The following ATP9B variants were observed in gnomAD, a reference collection of about 807,000 sequenced individuals.
ATP9B encodes the protein probable phospholipid-transporting ATPase IIB.
ATP9B carries 110 observed loss-of-function variants against 146.1 expected under a neutral mutation model. The observed-to-expected ratio is 0.75, with a 90% confidence interval of 0.65 to 0.88. The LOEUF is 0.88. Among genes scored for constraint, ATP9B ranks in the 40% least tolerant of loss-of-function variants. ATP9B has a pLI of 0.00. For synonymous variants in ATP9B, 604 were observed against 569.7 expected, an observed-to-expected ratio of 1.06 and a Z score of -0.86; for missense variants, 1,499 against 1,496.4, an observed-to-expected ratio of 1.00 and a Z score of -0.03.
intron 29 of ATP9B, chr18:79,376,074 C>T: frequency 1.0e-6 from 1 of 984,988 alleles, no homozygotes; most frequent in Non-Finnish European, 1.2e-6. Flanking sequence ...GGCTCAGAGC[C>T]TCTAAGAGCA....
chr18:79,226,733 A>G (rs9964748), intron 11 of ATP9B, among the ~76,000 whole-genome samples: 57,257 of 152,120 alleles, frequency 0.38, 11,705 homozygotes, highest in African/African-American at 0.54. Context: ...TGAAAATAAC[A>G]CACAGTTTGT....
intron 15 of ATP9B, among the ~76,000 whole-genome samples, chr18:79,328,120 C>T (rs546391774): frequency 4.0e-5 from 6 of 148,726 alleles, no homozygotes; most frequent in Non-Finnish European, 8.9e-5. Flanking sequence ...GGTTAGCGTG[C>T]TCTCCGTGGA....
At chr18:79,108,377 C>G (rs1346052305) in intron 2 of ATP9B, among the ~76,000 whole-genome samples, 1 of 152,120 alleles carries the variant, frequency 6.6e-6, no homozygotes, top group Admixed American at 6.6e-5. Flanking sequence ...TGACCATTTC[C>G]TTTCCTACCC....
intron 25 of ATP9B, chr18:79,354,439 C>T (rs1335016834): frequency 6.6e-6 from 1 of 152,026 alleles, no homozygotes; most frequent in African/African-American, 2.4e-5. Context: ...CATGGTGGTA[C>T]ACACCCGCGG....
chr18:79,083,068 C>T (rs2073432980), intron 1 of ATP9B, among the ~76,000 whole-genome samples: 1 of 152,230 alleles, frequency 6.6e-6, no homozygotes, highest in Non-Finnish European at 1.5e-5. Context: ...AAGCCCCTGA[C>T]TGGGGCAGCT....
chr18:79,092,640 CTTTT>C (rs145337759), intron 1 of ATP9B, among the ~76,000 whole-genome samples: 3 of 118,276 alleles, frequency 2.5e-5, no homozygotes, highest in Non-Finnish European at 3.5e-5. Flanking sequence ...TTTACTTAAA[CTTTT>C]TTTTTTTTTT....
At chr18:79,358,873 A>C in intron 25 of ATP9B, among the ~76,000 whole-genome samples, 1 of 118,670 alleles carries the variant, frequency 8.4e-6, no homozygotes, top group African/African-American at 3.4e-5. Flanking sequence ...CTGGGTCTGG[A>C]GGTGTCTGTG....
At chr18:79,183,345 TCTA>T (rs954611235) in intron 8 of ATP9B, among the ~76,000 whole-genome samples, 3 of 152,334 alleles carry the variant, frequency 2.0e-5, no homozygotes, top group Admixed American at 2.0e-4. Context: ...ATGCAACTTA[TCTA>T]CTGTGTATTA....
intron 6 of ATP9B, among the ~76,000 whole-genome samples, chr18:79,150,561 C>G (rs2094672631): frequency 6.6e-6 from 1 of 152,002 alleles, no homozygotes; most frequent in Admixed American, 6.6e-5. Context: ...CTTGTGGTGC[C>G]CCTAGTTTTG....
At chr18:79,072,077 G>A (rs1232792446) in intron 1 of ATP9B, among the ~76,000 whole-genome samples, 1 of 149,940 alleles carries the variant, frequency 6.7e-6, no homozygotes, top group East Asian at 2.0e-4. Flanking sequence ...CTCTTTCCCT[G>A]TTTCTTTTCT....
chr18:79,071,369 C>T (rs1478698689), intron 1 of ATP9B, among the ~76,000 whole-genome samples: 20 of 106,672 alleles, frequency 1.9e-4, no homozygotes, highest in African/African-American at 4.8e-4. Flanking sequence ...ATACCACATA[C>T]GCATATTTCC....
At chr18:79,190,264 C>T (rs2095351331) in intron 8 of ATP9B, among the ~76,000 whole-genome samples, 1 of 152,066 alleles carries the variant, frequency 6.6e-6, no homozygotes, top group Non-Finnish European at 1.5e-5. Context: ...TGTCTACATA[C>T]ATTTTATGTT....
intron 5 of ATP9B, among the ~76,000 whole-genome samples, chr18:79,129,917 T>C (rs1034564750): frequency 6.6e-6 from 1 of 152,168 alleles, no homozygotes; most frequent in Non-Finnish European, 1.5e-5. Context: ...CTATTTTTTG[T>C]ATTTTGTAGA....
intron 15 of ATP9B, among the ~76,000 whole-genome samples, chr18:79,328,828 TG>T (rs1217413350): frequency 1.3e-5 from 2 of 152,154 alleles, no homozygotes; most frequent in Non-Finnish European, 2.9e-5. Flanking sequence ...TGGGGTGAGC[TG>T]CGTTCTCAAT....
At chr18:79,249,391 T>C (rs1315966860) in intron 11 of ATP9B, among the ~76,000 whole-genome samples, 1 of 152,182 alleles carries the variant, frequency 6.6e-6, no homozygotes, top group Non-Finnish European at 1.5e-5. Context: ...GTTATTGCAG[T>C]TGTTTCAAAT....
chr18:79,152,218 T>C (rs371387523), intron 6 of ATP9B, among the ~76,000 whole-genome samples: 46 of 152,358 alleles, frequency 3.0e-4, no homozygotes, highest in African/African-American at 1.1e-3. Context: ...GCTTTTACAC[T>C]GTTGGTGGGA....
intron 11 of ATP9B, among the ~76,000 whole-genome samples, chr18:79,250,042 T>G (rs1230624430): frequency 6.6e-6 from 1 of 152,254 alleles, no homozygotes; most frequent in East Asian, 1.9e-4. Context: ...CAACATATAC[T>G]TGGCTTCAAA....
chr18:79,370,124 A>G (rs2147978794), intron 26 of ATP9B, among the ~76,000 whole-genome samples: 1 of 152,278 alleles, frequency 6.6e-6, no homozygotes, highest in East Asian at 1.9e-4. Context: ...AATTTTAAAA[A>G]TTTGCTTGAT....
intron 17 of ATP9B, among the ~76,000 whole-genome samples, chr18:79,332,516 A>G (rs1471387784): frequency 6.6e-6 from 1 of 152,180 alleles, no homozygotes; most frequent in Non-Finnish European, 1.5e-5. Flanking sequence ...AGACCTTCTG[A>G]CTTTCTTCCT....
Sources: gnomAD v4.1 joint callset for allele counts (sites outside exome capture counted in the v4.1 genomes callset) on GRCh38, gnomAD v4.1.1 for gene constraint, MANE v1.5 for transcripts, NCBI Gene and HGNC (gene_info 2026-07-23, HGNC 2026-07-21) for gene names.